FRMD6: variants seen among roughly 807,000 people sequenced by gnomAD.
FRMD6 encodes FERM domain-containing protein 6.
Under a neutral mutation model 73.2 loss-of-function variants are expected in FRMD6, and 37 were observed. That is an observed-to-expected ratio of 0.51 (90% CI 0.39 to 0.66). The LOEUF (loss-of-function observed/expected upper bound fraction) is 0.66. Ranked by LOEUF, FRMD6 falls within the 30% of genes least tolerant of loss-of-function variation. The probability of loss-of-function intolerance (pLI) is 0.00; values close to 1 mark genes in which losing one functional copy is unlikely to be tolerated. For missense variants in FRMD6, 714 were observed against 780.5 expected, an observed-to-expected ratio of 0.91 and a Z score of 1.02; for synonymous variants, 273 against 282.2, an observed-to-expected ratio of 0.97 and a Z score of 0.33.
intron 2 of FRMD6, among the ~76,000 whole-genome samples, chr14:51,640,000 G>A (rs1410426898): frequency 3.3e-5 from 5 of 152,178 alleles, no homozygotes; most frequent in Admixed American, 6.5e-5. Flanking sequence ...TGATGTAGAA[G>A]CTTCTGGGGA....
intron 1 of FRMD6, among the ~76,000 whole-genome samples, chr14:51,570,085 G>C (rs1459363497): frequency 2.6e-5 from 4 of 152,136 alleles, no homozygotes. Flanking sequence ...AAAGTGCTGG[G>C]ATTACAGACG....
chr14:51,661,728 G>A (rs1893230405), intron 1 of FRMD6, among the ~76,000 whole-genome samples: 1 of 152,220 alleles, frequency 6.6e-6, no homozygotes, highest in Non-Finnish European at 1.5e-5. Context: ...GGGAGTCATT[G>A]GTGATGATGA....
chr14:51,632,583 G>A (rs1004337455), intron 2 of FRMD6, among the ~76,000 whole-genome samples: 1 of 152,154 alleles, frequency 6.6e-6, no homozygotes, highest in Non-Finnish European at 1.5e-5. Flanking sequence ...TAGAAGGATG[G>A]TTTCCTGGCT....
chr14:51,420,952 GT>G, the FRMD6 span, among the ~76,000 whole-genome samples: 1 of 151,958 alleles, frequency 6.6e-6, no homozygotes, highest in Non-Finnish European at 1.5e-5. Context: ...TTTTTTGTGT[GT>G]TTTTAGTAGA....
At chr14:51,440,070 C>A in the FRMD6 span, among the ~76,000 whole-genome samples, 1 of 152,122 alleles carries the variant, frequency 6.6e-6, no homozygotes, top group Non-Finnish European at 1.5e-5. Flanking sequence ...GAAAACAAAC[C>A]CTTGTTAATT....
chr14:51,467,976 G>A, the FRMD6 span, among the ~76,000 whole-genome samples: 2 of 152,054 alleles, frequency 1.3e-5, no homozygotes, highest in Non-Finnish European at 2.9e-5. Flanking sequence ...CCGAGATCAC[G>A]CCACTGCACT....
intron 2 of FRMD6, among the ~76,000 whole-genome samples, chr14:51,580,200 T>G (rs1283911228): frequency 6.6e-6 from 1 of 151,976 alleles, no homozygotes; most frequent in Non-Finnish European, 1.5e-5. Context: ...CTACCTCTCG[T>G]GGAATGAACA....
At chr14:51,727,071 C>T (rs1248810118) in intron 13 of FRMD6, among the ~76,000 whole-genome samples, 1 of 151,764 alleles carries the variant, frequency 6.6e-6, no homozygotes. Context: ...TTGGCGGAAC[C>T]CCCCCACCCC....
intron 7 of FRMD6, among the ~76,000 whole-genome samples, chr14:51,709,030 C>T (rs1444355061): frequency 6.6e-6 from 1 of 152,160 alleles, no homozygotes; most frequent in Non-Finnish European, 1.5e-5. Flanking sequence ...TACTCTATAT[C>T]ATCTTGTCTT....
At chr14:51,614,675 T>A (rs2139885629) in intron 2 of FRMD6, among the ~76,000 whole-genome samples, 1 of 152,334 alleles carries the variant, frequency 6.6e-6, no homozygotes, top group Admixed American at 6.5e-5. Context: ...AGCAGCACCC[T>A]CTTAAAGAAT....
chr14:51,513,337 T>A (rs1884425512), intron 1 of FRMD6, among the ~76,000 whole-genome samples: 1 of 152,236 alleles, frequency 6.6e-6, no homozygotes, highest in Non-Finnish European at 1.5e-5. Flanking sequence ...AGCTGGCACA[T>A]TGGGTGACTG....
chr14:51,717,561 T>C (rs1897305501), intron 10 of FRMD6, among the ~76,000 whole-genome samples: 1 of 152,178 alleles, frequency 6.6e-6, no homozygotes, highest in Non-Finnish European at 1.5e-5. Flanking sequence ...ATTCAAACCA[T>C]AGCAGTAGAG....
At position 51,707,942 on chromosome 14, in the gene FRMD6, G is replaced by A. The variant is rs959728055; in HGVS notation, c.559-136G>A. 31 of 714,348 alleles carry A rather than the reference G, an allele frequency of 4.3e-5. No individual in the cohort carries two copies. The African/African-American group carries it at 4.8e-4, about 11-fold the overall frequency. 44.3% of individuals were successfully genotyped at this position (714,348 alleles called of 1,614,324 possible). A position where few individuals can be genotyped will look rare whatever the true frequency, so the allele number is the denominator to read the frequency against. On this transcript the variant is annotated intron_variant, in intron 6 of 13. Coordinates refer to ENST00000344768, the MANE Select transcript of FRMD6 (RefSeq NM_001267046.2). ...AGTAACATAACAGATGGTGAAAACA[G>A]AATGAATTTTCAATGCAAACCAACC... is the stretch of plus-strand genomic sequence containing the variant.
At chr14:51,678,482 A>T (rs964894522) in intron 1 of FRMD6, among the ~76,000 whole-genome samples, 1 of 152,194 alleles carries the variant, frequency 6.6e-6, no homozygotes, top group African/African-American at 2.4e-5. Flanking sequence ...TATAACTAAT[A>T]TGCAGAAAAT....
upstream of FRMD6, chr14:51,651,548 C>T (rs951079461): frequency 6.6e-6 from 1 of 152,392 alleles, no homozygotes; most frequent in Non-Finnish European, 1.5e-5. Context: ...GCACCTCCGT[C>T]TCCACAGCAG....
intron 1 of FRMD6, among the ~76,000 whole-genome samples, chr14:51,665,498 C>G (rs1169232356): frequency 6.6e-6 from 1 of 152,174 alleles, no homozygotes; most frequent in East Asian, 1.9e-4. Flanking sequence ...CCTCATGTTT[C>G]TGCTTCTGGC....
the FRMD6 span, among the ~76,000 whole-genome samples, chr14:51,433,268 G>A: frequency 6.6e-6 from 1 of 152,086 alleles, no homozygotes; most frequent in Non-Finnish European, 1.5e-5. Context: ...ATTTGTAATT[G>A]CAAAATATTG....
intron 2 of FRMD6, among the ~76,000 whole-genome samples, chr14:51,582,326 C>T (rs576360462): frequency 6.6e-6 from 1 of 152,286 alleles, no homozygotes; most frequent in African/African-American, 2.4e-5. Context: ...GATAGTCCGT[C>T]GTCCCACTTA....
chr14:51,726,251 A>G (rs1456356252), intron 13 of FRMD6, among the ~76,000 whole-genome samples: 2 of 152,222 alleles, frequency 1.3e-5, no homozygotes, highest in Non-Finnish European at 2.9e-5. Context: ...TGGTTATTCC[A>G]TTCAGATTGA....
Sources: allele counts gnomAD v4.1 joint callset (sites outside exome capture counted in the v4.1 genomes callset), GRCh38; gene constraint gnomAD v4.1.1; transcripts MANE v1.5; gene names NCBI Gene and HGNC (gene_info 2026-07-23, HGNC 2026-07-21).